ZNF365: variants seen among roughly 807,000 people sequenced by gnomAD.
ZNF365 encodes protein ZNF365.
In ZNF365, 22 loss-of-function variants were observed where a neutral mutation model predicts 35.0. The ratio of observed to expected loss-of-function variants is 0.63; its 90% CI spans 0.45 to 0.90. The LOEUF is 0.90. ZNF365 is among the 40% of genes least tolerant of loss of function. The pLI is 0.00. For synonymous variants in ZNF365, 188 were observed against 196.2 expected (o/e 0.96, Z 0.35); for missense variants, 448 against 500.3 (o/e 0.90, Z 1.00).
Position 62,401,501 on chromosome 10 carries a change from A to T in ZNF365, c.*1712A>T. On this transcript the variant is annotated 3_prime_UTR_variant, in exon 5 of 5. Transcript: ENST00000395254. Reference sequence around the variant, plus strand: ...TTTCAGTTTATGGGGGGGGTAGATCATTCATGTGATATATAAGCAGCTATC... The same window carrying T: ...TTTCAGTTTATGGGGGGGGTAGATCTTTCATGTGATATATAAGCAGCTATC... 9.1e-6 allele frequency: 9 copies of T among 985,440 alleles called. No homozygotes were observed. Among genetic ancestry groups the T allele is most frequent in the Non-Finnish European group, 1.1e-5 (9 of 829,910 alleles). 61.0% of individuals were successfully genotyped at this position (985,440 alleles called of 1,614,324 possible).
At chr10:62,466,296 TG>T (rs1279313791) in intron 4 of ZNF365, among the ~76,000 whole-genome samples, 1 of 152,200 alleles carries the variant, frequency 6.6e-6, no homozygotes, top group African/African-American at 2.4e-5. Context: ...GGCAGTCACT[TG>T]GGGCATGCAG....
downstream of ZNF365, among the ~76,000 whole-genome samples, chr10:62,406,966 A>G (rs1381481925): frequency 1.3e-5 from 2 of 152,186 alleles, no homozygotes; most frequent in Admixed American, 6.5e-5. Context: ...GAACCTGGGC[A>G]GGGGCTCACC....
intron 2 of ZNF365, among the ~76,000 whole-genome samples, chr10:62,386,171 G>A (rs554937413): frequency 1.5e-4 from 23 of 152,234 alleles, no homozygotes; most frequent in Non-Finnish European, 2.5e-4. Context: ...ACATGGGCCC[G>A]CCACTCGTTT....
intron 1 of ZNF365, chr10:62,375,716 G>A (rs1011449633): frequency 6.2e-6 from 1 of 162,406 alleles, no homozygotes; most frequent in Non-Finnish European, 1.4e-5. Flanking sequence ...TTTGCATTTA[G>A]TGTGCCAAAT....
intron 4 of ZNF365, among the ~76,000 whole-genome samples, chr10:62,468,411 T>A (rs1840979702): frequency 6.6e-6 from 1 of 152,168 alleles, no homozygotes; most frequent in Non-Finnish European, 1.5e-5. Flanking sequence ...AATAAACTCA[T>A]ACTACTTGTT....
rs181852530 is a variant in ZNF365 at position 62,381,641 on chromosome 10, G to A, written c.743+4705G>A. Among the ~76,000 whole-genome samples the A allele has an allele frequency of 2.7e-3, 407 of 152,284 alleles. 2 individuals are homozygous for A. The highest frequency in any genetic ancestry group is 8.9e-3 in the African/African-American group (368 of 41,538). On this transcript the variant is annotated intron_variant, in intron 2 of 4. Coordinates refer to ENST00000395254, the MANE Select transcript of ZNF365 (RefSeq NM_014951.3). ...AAGAAAATGTCAGCTGGCATCTGAG[G>A]TGTTGGGAGGCAGGGGAAGGGTGGC...
Position 62,445,045 on chromosome 10 carries a change from G to A in ZNF365, c.925-14696G>A, listed in dbSNP as rs369650034. On this transcript the variant is annotated intron_variant, in intron 3 of 4. Coordinates refer to the ZNF365 transcript ENST00000395255. ...GAGGTGTTTGGTTTTTTGTCCTTGC[G>A]ATAGTTTACTGAGAATGATGATTTC... Among the ~76,000 whole-genome samples the A allele has an allele frequency of 7.3e-5, 11 of 151,710 alleles. No homozygotes were observed. The East Asian group carries it at 1.8e-3, about 24-fold the overall frequency.
downstream of ZNF365, among the ~76,000 whole-genome samples, chr10:62,407,133 T>C (rs1181899294): frequency 6.6e-6 from 1 of 152,196 alleles, no homozygotes; most frequent in Non-Finnish European, 1.5e-5. Context: ...ATTGAAGCCA[T>C]TCCTACAAAC....
intron 3 of ZNF365, among the ~76,000 whole-genome samples, chr10:62,451,613 C>T (rs1355367758): frequency 1.3e-5 from 2 of 152,188 alleles, no homozygotes; most frequent in African/African-American, 4.8e-5. Flanking sequence ...GTGACTTCTT[C>T]ATCAGAAAGT....
At chr10:62,451,103 T>C (rs972384375) in intron 3 of ZNF365, among the ~76,000 whole-genome samples, 2 of 152,128 alleles carry the variant, frequency 1.3e-5, no homozygotes, top group African/African-American at 4.8e-5. Context: ...AGAAAAACAA[T>C]GGCTACAGAA....
At chr10:62,441,319 A>G (rs1448850768) in intron 3 of ZNF365, among the ~76,000 whole-genome samples, 2 of 152,196 alleles carry the variant, frequency 1.3e-5, no homozygotes, top group African/African-American at 4.8e-5. Context: ...CACGTTGTTC[A>G]TGAAGCCTTC....
chr10:62,443,159 T>C (rs973385128), intron 3 of ZNF365, among the ~76,000 whole-genome samples: 2 of 152,236 alleles, frequency 1.3e-5, no homozygotes, highest in African/African-American at 4.8e-5. Context: ...TTGAGTGCCC[T>C]TTATAAGTCA....
chr10:62,402,870 A>G (rs1839851967), downstream of ZNF365, among the ~76,000 whole-genome samples: 1 of 152,210 alleles, frequency 6.6e-6, no homozygotes, highest in Non-Finnish European at 1.5e-5. Flanking sequence ...AACAGAGAGA[A>G]GTATGTGTCT....
intron 3 of ZNF365, among the ~76,000 whole-genome samples, chr10:62,395,445 C>G (rs554790449): frequency 9.1e-4 from 136 of 150,088 alleles, no homozygotes; most frequent in African/African-American, 3.2e-3. Flanking sequence ...TCAAGCGATT[C>G]TCCTGCCTCA....
At chr10:62,406,849 G>C (rs1839912105), downstream of ZNF365, among the ~76,000 whole-genome samples, 4 of 152,152 alleles carry the variant, frequency 2.6e-5, no homozygotes, top group Admixed American at 2.6e-4. Flanking sequence ...CTGTAGTGTT[G>C]TATCCCATTG....
At position 62,461,342 on chromosome 10, in the gene ZNF365, G is replaced by T. The variant is rs1051341861; in HGVS notation, c.981+1545G>T. ...GATTTTTCCAGGACTGCCCCCAGTC[G>T]GAGGGGGAGGAGGAGAGCTTCAACC... is the stretch of plus-strand genomic sequence containing the variant. On this transcript the variant is annotated intron_variant, in intron 4 of 4. Transcript: ENST00000395255. Among the ~76,000 whole-genome samples the T allele has an allele frequency of 7.2e-5, 11 of 152,324 alleles. No homozygotes were observed. In the Middle Eastern group the frequency reaches 0.01, roughly 141 times the overall value.
At chr10:62,388,601 G>T (rs74156188) in intron 3 of ZNF365, 25 bp downstream of exon 3, 24,862 of 1,611,834 alleles carry the variant, frequency 0.015, 270 homozygotes, top group African/African-American at 0.048. Flanking sequence ...GCCAGCCACC[G>T]AGTGTAAGAT....
chr10:62,465,477 T>C (rs1390294996), intron 4 of ZNF365, among the ~76,000 whole-genome samples: 4 of 152,200 alleles, frequency 2.6e-5, no homozygotes, highest in Non-Finnish European at 5.9e-5. Context: ...CTCTGGAGGC[T>C]GGGCTGCCAG....
rs199877876 is a variant in ZNF365 at position 62,398,811 on chromosome 10, T to C, written c.962+34T>C. ...GTATTTTTATACTTGGGCCATTTGA[T>C]AATGTTTGTATTGTATGTTTTCCTG... is the stretch of plus-strand genomic sequence containing the variant. On this transcript the variant is annotated intron_variant, in intron 4 of 4. Transcript: ENST00000395254. 1.3e-4 allele frequency: 207 copies of C among 1,588,636 alleles called. 4 individuals carry two copies. The South Asian group carries it at 2.2e-3, about 17-fold the overall frequency.
Sources: gnomAD v4.1 joint callset for allele counts (sites outside exome capture counted in the v4.1 genomes callset) on GRCh38, gnomAD v4.1.1 for gene constraint, MANE v1.5 for transcripts, NCBI Gene and HGNC (gene_info 2026-07-23, HGNC 2026-07-21) for gene names.